Variants in STK3 observed in about 807,000 individuals in gnomAD.
STK3 encodes the protein serine/threonine-protein kinase 3.
A neutral mutation model predicts 58.0 loss-of-function variants in STK3; 41 were observed. The ratio of observed to expected loss-of-function variants is 0.71; its 90% confidence interval spans 0.55 to 0.92. The LOEUF (loss-of-function observed/expected upper bound fraction) is 0.92, where lower values mean the gene tolerates loss of function less well. Ranked by LOEUF, STK3 falls within the 40% of genes least tolerant of loss-of-function variation. The probability of loss-of-function intolerance (pLI) is 0.00; values close to 1 mark genes in which losing one functional copy is unlikely to be tolerated. For missense variants in STK3, 479 were observed against 602.7 expected (o/e 0.79, Z 2.15); for synonymous variants, 170 against 191.0 (o/e 0.89, Z 0.91).
downstream of STK3, among the ~76,000 whole-genome samples, chr8:98,368,659 A>T (rs1306258546): frequency 6.6e-6 from 1 of 152,148 alleles, no homozygotes; most frequent in Non-Finnish European, 1.5e-5. Context: ...GCGTGTCAGA[A>T]TGAAGGTAAG....
At chr8:98,644,890 A>G (rs906308918) in intron 6 of STK3, among the ~76,000 whole-genome samples, 7 of 152,220 alleles carry the variant, frequency 4.6e-5, no homozygotes, top group African/African-American at 1.7e-4. Context: ...ATGCAATTCT[A>G]TGAAAGTATG....
At chr8:98,502,412 G>A (rs1253168215) in intron 10 of STK3, among the ~76,000 whole-genome samples, 3 of 152,120 alleles carry the variant, frequency 2.0e-5, no homozygotes, top group African/African-American at 7.2e-5. Flanking sequence ...TCTCTTGCCT[G>A]ATTGCCCTGA....
Position 98,428,587 on chromosome 8 carries a change from C to A in STK3, n.483+5540G>T. ...CTGGTGGTGATGGGGTCCATCATCACCATGTGCCTCAATAGCCTGCCCGAT... is the reference window on the plus strand; with the variant it reads ...CTGGTGGTGATGGGGTCCATCATCAACATGTGCCTCAATAGCCTGCCCGAT... On this transcript the variant is annotated intron_variant and non_coding_transcript_variant, in intron 3 of 3. Transcript: ENST00000517832. This position sits in a 1 kb window ranked among gnomAD's most constrained non-coding sequence, Gnocchi z 6.7. The A allele has an allele frequency of 6.2e-6, 10 of 1,614,152 alleles. No homozygotes were observed. The highest frequency in any genetic ancestry group is 8.5e-6 in the Non-Finnish European group (10 of 1,180,034).
chr8:98,909,004 G>A (rs1185524727), intron 1 of STK3, among the ~76,000 whole-genome samples: 2 of 151,798 alleles, frequency 1.3e-5, no homozygotes, highest in African/African-American at 4.8e-5. Flanking sequence ...AAAAATACAA[G>A]AATTAGCCAA....
At chr8:98,347,383 C>T in the STK3 span, among the ~76,000 whole-genome samples, 4 of 151,630 alleles carry the variant, frequency 2.6e-5, no homozygotes, top group African/African-American at 7.3e-5. Context: ...GGCGTGATGG[C>T]GGGCGCCTGT....
intron 1 of STK3, among the ~76,000 whole-genome samples, chr8:98,784,146 G>A (rs1214557969): frequency 1.3e-5 from 2 of 152,190 alleles, no homozygotes; most frequent in Admixed American, 6.5e-5. Context: ...ACAGACACTC[G>A]GAAAAGCTAC....
chr8:98,425,878 C>T (rs1804939802), intron 3 of STK3, among the ~76,000 whole-genome samples: 1 of 152,192 alleles, frequency 6.6e-6, no homozygotes, highest in South Asian at 2.1e-4. Context: ...GGACTTCTGA[C>T]CGAGACATGT....
chr8:98,795,111 T>A (rs559103735), intron 1 of STK3, among the ~76,000 whole-genome samples: 9,727 of 51,752 alleles, frequency 0.19, 1,258 homozygotes, highest in African/African-American at 0.21. Context: ...AAAATATATA[T>A]ATATATATAT....
In STK3 at chr8:98,842,561, C is replaced by G. The variant is rs529258878; in HGVS notation, c.110+41086G>C. Among the ~76,000 whole-genome samples the G allele has an allele frequency of 2.6e-5, 4 of 151,884 alleles. No homozygotes were observed. The South Asian group carries it at 8.3e-4, about 32-fold the overall frequency. On this transcript the variant is annotated intron_variant, in intron 3 of 12. Transcript: ENST00000523601. The stretch of plus-strand genomic sequence containing the variant: ...GGCGTGGTGGCATGCGCCTGTAGTC[C>G]CAGATACTCAGGAAACTGAGGTGGG...
chr8:98,716,666 T>C lies in STK3; in HGVS notation c.352-9355A>G, dbSNP rs2131155934. On this transcript the variant is annotated intron_variant, in intron 4 of 10. Transcript: ENST00000419617. The stretch of plus-strand genomic sequence containing the variant: ...ATCCCAATGATGTTTATTGCAGAAA[T>C]AGAAAAACTTATCCTAAAATTTGTA... Among the ~76,000 whole-genome samples the C allele has an allele frequency of 1.3e-5, 2 of 152,148 alleles. 1 individual carries two copies. The highest frequency in any genetic ancestry group is 4.8e-5 in the African/African-American group (2 of 41,524).
chr8:98,696,482 T>C (rs1215481306), intron 6 of STK3, among the ~76,000 whole-genome samples: 3 of 151,906 alleles, frequency 2.0e-5, no homozygotes, highest in African/African-American at 7.3e-5. Flanking sequence ...AGTATGATAT[T>C]GGCTGTGGGT....
At chr8:98,635,615 T>G (rs530012291) in intron 6 of STK3, among the ~76,000 whole-genome samples, 7 of 152,186 alleles carry the variant, frequency 4.6e-5, no homozygotes, top group Non-Finnish European at 1.0e-4. Context: ...AGGAAATATT[T>G]CTAATTTTAC....
chr8:98,856,483 C>G (rs368163916), intron 3 of STK3, among the ~76,000 whole-genome samples: 1 of 152,108 alleles, frequency 6.6e-6, no homozygotes. Flanking sequence ...ATCAAGGAGA[C>G]GCAAACTGAA....
At chr8:98,867,362 C>G (rs552301964) in intron 3 of STK3, among the ~76,000 whole-genome samples, 143 of 152,212 alleles carry the variant, frequency 9.4e-4, no homozygotes, top group African/African-American at 3.2e-3. Flanking sequence ...TCCAGTGAGC[C>G]GAGATCGCGC....
the STK3 span, among the ~76,000 whole-genome samples, chr8:98,360,004 T>TC: frequency 6.6e-6 from 1 of 152,142 alleles, no homozygotes; most frequent in Admixed American, 6.5e-5. Flanking sequence ...GTACCTTGTG[T>TC]CCTTTCTCTT....
intron 4 of STK3, among the ~76,000 whole-genome samples, chr8:98,716,268 A>C (rs1827005917): frequency 6.6e-6 from 1 of 152,306 alleles, no homozygotes; most frequent in Non-Finnish European, 1.5e-5. Context: ...CATGTACCCT[A>C]AAACTTAAAG....
chr8:98,510,522 G>A lies in STK3; in HGVS notation c.1317+16220C>T, dbSNP rs577724676. On this transcript the variant is annotated intron_variant, in intron 10 of 10. Coordinates refer to ENST00000419617, the MANE Select transcript of STK3 (RefSeq NM_006281.4). ...TGATTTATTCACAGCTGCTCTCAAT[G>A]ATATTATGAACTAGTATCCTTTTCC... Among the ~76,000 whole-genome samples the A allele has an allele frequency of 1.1e-4, 16 of 151,644 alleles. 1 individual carries two copies. The highest frequency in any genetic ancestry group is 6.8e-3 in the Middle Eastern group (2 of 294).
Position 98,551,081 on chromosome 8 carries a change from G to A in STK3, c.949-2920C>T, listed in dbSNP as rs577347336. 2.6e-5 allele frequency among the ~76,000 whole-genome samples: 4 copies of A among 152,186 alleles called. No individual in the cohort carries two copies. In the South Asian group the frequency reaches 8.3e-4, roughly 32 times the overall value. ...TCTCTTTGCCATAACTCCATATGAT[G>A]CTATGTTCATTAAAGACTTCCTTTG... On this transcript the variant is annotated intron_variant, in intron 8 of 10. Transcript: ENST00000419617.
At chr8:98,734,747 T>G (rs948493413) in intron 4 of STK3, among the ~76,000 whole-genome samples, 2 of 152,048 alleles carry the variant, frequency 1.3e-5, no homozygotes, top group African/African-American at 4.8e-5. Flanking sequence ...TTTAAAAAAT[T>G]TCTTCATGGG....
Sources: gnomAD v4.1 joint callset for allele counts (sites outside exome capture counted in the v4.1 genomes callset) on GRCh38, gnomAD v4.1.1 for gene constraint, Gnocchi (gnomAD v3.1) non-coding constraint, MANE v1.5 for transcripts, NCBI Gene and HGNC (gene_info 2026-07-23, HGNC 2026-07-21) for gene names.